The following MTMR6 variants were observed in gnomAD, a reference collection of about 807,000 sequenced individuals.
MTMR6 encodes myotubularin related protein 6, also known as phosphatidylinositol-3,5-bisphosphate 3-phosphatase MTMR6.
MTMR6 carries 47 observed loss-of-function variants against 80.1 expected under a neutral mutation model. The observed-to-expected ratio is 0.59, with a 90% CI of 0.46 to 0.75. The LOEUF (loss-of-function observed/expected upper bound fraction) is 0.75. Among genes scored for constraint, MTMR6 ranks in the 30% least tolerant of loss-of-function variants. The pLI, the probability that MTMR6 is intolerant of heterozygous loss-of-function variation, is 0.00. For missense variants in MTMR6, 629 were observed against 730.9 expected (o/e 0.86, Z 1.61); for synonymous variants, 254 against 253.0 (o/e 1.00, Z -0.04).
At position 25,287,372 on chromosome 13, in the gene MTMR6, G is replaced by T; in HGVS notation, c.-125C>A. 7.6e-7 allele frequency: 1 copy of T among 1,314,980 alleles called. No homozygotes were observed. The highest frequency in any genetic ancestry group is 1.1e-6 in the Non-Finnish European group (1 of 947,118). 81.5% of individuals were successfully genotyped at this position (1,314,980 alleles called of 1,614,324 possible). On this transcript the variant is annotated 5_prime_UTR_variant, in exon 1 of 14. Coordinates refer to ENST00000381801, the MANE Select transcript of MTMR6 (RefSeq NM_004685.5). ...ACCAGCCAGCGCCGCGGGTCTGTCT[G>T]CCGGCCCCGGTGGCGTCAACGGCGC...
intron 1 of MTMR6, 28 bp downstream of exon 1, chr13:25,287,196 G>A: frequency 6.3e-7 from 1 of 1,590,328 alleles, no homozygotes. Flanking sequence ...CAGGGCCCCT[G>A]AAGACTGGCG....
Position 25,267,845 on chromosome 13 carries a change from A to T in MTMR6, c.238T>A (p.Phe80Ile). 1 of 1,613,940 alleles carries T rather than the reference A, an allele frequency of 6.2e-7. No homozygotes were observed. Among genetic ancestry groups the T allele is most frequent in the Non-Finnish European group, 8.5e-7 (1 of 1,179,886 alleles). The change falls in exon 3 of 14, where the codon TTC (phenylalanine) becomes ATC (isoleucine). Residue 80 changes from phenylalanine (F) to isoleucine (I), a missense_variant. Phe to Ile is a conservative substitution (Grantham distance 21). Coordinates refer to ENST00000381801, the MANE Select transcript of MTMR6 (RefSeq NM_004685.5). ...IQCKNFRTVH[F>I]IVPRERDCHD... ...CAATCTCTTTCTCTGGGAACAATGAAATGCACAGTTCTGAAGTTCTTGCAC... is the reference window on the plus strand; with the variant it reads ...CAATCTCTTTCTCTGGGAACAATGATATGCACAGTTCTGAAGTTCTTGCAC...
intron 5 of MTMR6, among the ~76,000 whole-genome samples, chr13:25,265,359 T>C (rs911594090): frequency 6.6e-6 from 1 of 152,216 alleles, no homozygotes; most frequent in Non-Finnish European, 1.5e-5. Context: ...TGAAAATTTC[T>C]GTATTTGAGT....
intron 5 of MTMR6, among the ~76,000 whole-genome samples, chr13:25,265,404 C>T (rs1957434246): frequency 6.6e-6 from 1 of 152,132 alleles, no homozygotes; most frequent in Non-Finnish European, 1.5e-5. Context: ...CGTAATTAAA[C>T]AAAAAGCCAG....
intron 1 of MTMR6, among the ~76,000 whole-genome samples, chr13:25,278,401 T>C (rs1957772040): frequency 6.6e-6 from 1 of 152,150 alleles, no homozygotes; most frequent in African/African-American, 2.4e-5. Context: ...GAGACCAGCC[T>C]GGCCAACATG....
At chr13:25,269,167 G>A (rs1190165969) in intron 2 of MTMR6, among the ~76,000 whole-genome samples, 1 of 152,086 alleles carries the variant, frequency 6.6e-6, no homozygotes. Context: ...GTGCAGAGTT[G>A]ATCAACATTA....
At chr13:25,276,295 C>T (rs1244769305) in intron 1 of MTMR6, among the ~76,000 whole-genome samples, 1 of 152,152 alleles carries the variant, frequency 6.6e-6, no homozygotes, top group Admixed American at 6.6e-5. Context: ...ATAAAGGTTA[C>T]CACAAAGTAT....
chr13:25,269,371 C>T (rs1957520487), intron 2 of MTMR6, among the ~76,000 whole-genome samples: 1 of 152,098 alleles, frequency 6.6e-6, no homozygotes, highest in South Asian at 2.1e-4. Flanking sequence ...ATAAAAAGTC[C>T]TACTATAAAC....
chr13:25,253,698 C>A, intron 11 of MTMR6, 66 bp downstream of exon 11: 1 of 1,338,478 alleles, frequency 7.5e-7, no homozygotes, highest in Admixed American at 2.2e-5. Context: ...AAGTTTCAAA[C>A]ATGATTTTTG....
chr13:25,276,971 G>T (rs559613186), intron 1 of MTMR6, among the ~76,000 whole-genome samples: 60 of 152,274 alleles, frequency 3.9e-4, no homozygotes, highest in African/African-American at 1.4e-3. Flanking sequence ...GCAGCTAGTG[G>T]TATAGCTTAG....
At chr13:25,285,675 A>G (rs1484998659) in intron 1 of MTMR6, among the ~76,000 whole-genome samples, 2 of 152,010 alleles carry the variant, frequency 1.3e-5, no homozygotes, top group African/African-American at 4.8e-5. Context: ...CTGGGATTAC[A>G]GGCGCCTGCC....
chr13:25,269,687 A>G (rs888262009), intron 2 of MTMR6, among the ~76,000 whole-genome samples: 1 of 151,188 alleles, frequency 6.6e-6, no homozygotes, highest in Non-Finnish European at 1.5e-5. Context: ...ATATGTTAAT[A>G]TTAATTATAC....
At chr13:25,259,514 A>G (rs964930673) in intron 6 of MTMR6, among the ~76,000 whole-genome samples, 1 of 152,218 alleles carries the variant, frequency 6.6e-6, no homozygotes, top group East Asian at 1.9e-4. Flanking sequence ...AAGTACAGTT[A>G]AATTGTATCC....
chr13:25,259,023 C>A (rs1245490614), intron 6 of MTMR6, among the ~76,000 whole-genome samples: 1 of 152,106 alleles, frequency 6.6e-6, no homozygotes, highest in East Asian at 1.9e-4. Context: ...TATCTAATTT[C>A]TAAATGATTC....
In MTMR6 at chr13:25,265,832, T is replaced by C. The variant is rs746149245; in HGVS notation, c.578A>G (p.His193Arg). Residue 193 changes from histidine to arginine, a missense_variant, in exon 5 of 14, where the codon CAT becomes CGT. His to Arg is a conservative substitution (Grantham distance 29). Transcript: ENST00000381801. ...AAAGCATCCTACCTCCTTATCTTGA[T>C]GATAGTAGGAAAGAACTGGGAATCT... ...KGRFPVLSYY[H>R]QDKEAAICRC... 6.2e-7 allele frequency: 1 copy of C among 1,613,616 alleles called. No individual in the cohort carries two copies. The highest frequency in any genetic ancestry group is 8.5e-7 in the Non-Finnish European group (1 of 1,179,552).
At chr13:25,266,044 G>C in intron 4 of MTMR6, 85 bp downstream of exon 4, 1 of 1,591,956 alleles carries the variant, frequency 6.3e-7, no homozygotes, top group South Asian at 1.1e-5. Flanking sequence ...GCACATTTCA[G>C]TACACAGACA....
At chr13:25,257,342 C>T in intron 8 of MTMR6, 21 bp from the exon 9 acceptor site, 1 of 1,612,838 alleles carries the variant, frequency 6.2e-7, no homozygotes, top group African/African-American at 1.3e-5. Flanking sequence ...AGATCACATA[C>T]ATTCTAGCGT....
rs766246447 is a variant in MTMR6, at chr13:25,253,757, A to G, written c.1346+7T>C. 2.5e-6 allele frequency: 4 copies of G among 1,612,178 alleles called. No individual in the cohort carries two copies. In the Admixed American group the frequency reaches 5.0e-5, roughly 20 times the overall value. ...AAAAGGAGACTCTTTTAATTGAATC[A>G]TCTTACTTGAGCTCTTCTCTTTCCT... On this transcript the variant is annotated splice_region_variant and intron_variant, in intron 11 of 13. Transcript: ENST00000381801.
Position 25,287,327 on chromosome 13 carries a change from A to G in MTMR6, c.-80T>C. ...AAACAGGGCGGTGACAGCGACAGAG[A>G]GCAAGCGGGAACTCCCTCCACCAGC... On this transcript the variant is annotated 5_prime_UTR_variant, in exon 1 of 14. Transcript: ENST00000381801. 1 of 1,527,216 alleles carries G rather than the reference A, an allele frequency of 6.5e-7. No individual in the cohort carries two copies. Among genetic ancestry groups the G allele is most frequent in the Non-Finnish European group, 8.8e-7 (1 of 1,134,708 alleles). The allele number at this position is 1,527,216 out of a possible 1,614,324, so 94.6% of individuals were successfully genotyped here.
Sources: gnomAD v4.1 joint callset for allele counts (sites outside exome capture counted in the v4.1 genomes callset) on GRCh38, gnomAD v4.1.1 for gene constraint, MANE v1.5 for transcripts, NCBI Gene and HGNC (gene_info 2026-07-23, HGNC 2026-07-21) for gene names.